Variants in MTG2 observed in about 807,000 individuals in gnomAD.
The protein encoded by MTG2 is mitochondrial ribosome-associated GTPase 2.
MTG2 carries 23 observed loss-of-function variants against 28.6 expected under a neutral mutation model. That is an observed-to-expected ratio of 0.80 (90% CI 0.58 to 1.14). The LOEUF is 1.14. MTG2 is among the 50% of genes most tolerant of loss of function. The pLI is 0.00. For synonymous variants in MTG2, 260 were observed against 251.8 expected (o/e 1.03, Z -0.31); for missense variants, 539 against 552.0 (o/e 0.98, Z 0.24).
At chr20:62,186,731 G>A (rs987641534) in intron 1 of MTG2, among the ~76,000 whole-genome samples, 1 of 151,958 alleles carries the variant, frequency 6.6e-6, no homozygotes, top group Non-Finnish European at 1.5e-5. Context: ...GTTTCACCAT[G>A]TTGGCCACGC....
chr20:62,189,212 G>A (rs1375610147), intron 1 of MTG2, among the ~76,000 whole-genome samples: 1 of 152,004 alleles, frequency 6.6e-6, no homozygotes, highest in East Asian at 1.9e-4. Flanking sequence ...GGCTGAGGCA[G>A]GAGGATCTCT....
In MTG2 at chr20:62,193,489, G is replaced by C; in HGVS notation, c.69G>C (p.Leu23Phe). The change falls in exon 2 of 7, where the codon TTG becomes TTC. Residue 23 changes from leucine to phenylalanine, a missense_variant. Coordinates refer to ENST00000370823, the MANE Select transcript of MTG2 (RefSeq NM_015666.4). ...TTCAGGGCGTGGGGCATTGGGCTTT[G>C]TCCACATGGGCTGGCCTGAAGCCCA... ...TVFQGVGHWALSTWAGLKPSR... is the reference protein window; with the variant it reads ...TVFQGVGHWAFSTWAGLKPSR... 2.5e-6 allele frequency: 4 copies of C among 1,614,216 alleles called. No individual in the cohort carries two copies. The highest frequency in any genetic ancestry group is 3.4e-6 in the Non-Finnish European group (4 of 1,180,048).
intron 1 of MTG2, among the ~76,000 whole-genome samples, chr20:62,186,536 T>TTG (rs1555831125): frequency 5.4e-5 from 8 of 147,990 alleles, no homozygotes; most frequent in South Asian, 2.2e-4. Context: ...TTGTTTTTTT[T>TTG]TTTTTTTTTT....
intron 4 of MTG2, 134 bp from the exon 5 acceptor site, chr20:62,198,500 G>T: frequency 1.1e-6 from 1 of 896,352 alleles, no homozygotes; most frequent in Non-Finnish European, 1.7e-6. Context: ...TGGCAGAGGT[G>T]AGTGGGGCGG....
At chr20:62,187,972 C>A (rs1207341072) in intron 1 of MTG2, among the ~76,000 whole-genome samples, 1 of 151,990 alleles carries the variant, frequency 6.6e-6, no homozygotes. Context: ...CTAGCTGCAT[C>A]TCTTAAATTC....
Position 62,189,954 on chromosome 20 carries a change from C to T in MTG2, c.-5-3462C>T, listed in dbSNP as rs150654280. Among the ~76,000 whole-genome samples, 44 of 152,316 alleles carry T rather than the reference C, an allele frequency of 2.9e-4. No individual in the cohort carries two copies. In the East Asian group the frequency reaches 7.7e-3, roughly 27 times the overall value. On this transcript the variant is annotated intron_variant, in intron 1 of 6. Transcript: ENST00000370823. ...CTGGGATTACAGGCATGAGCCACCG[C>T]GCCCAGCCAACATTAACATTTAATG... is the stretch of plus-strand genomic sequence containing the variant.
At chr20:62,184,012 C>A (rs759572816) in intron 1 of MTG2, among the ~76,000 whole-genome samples, 2 of 152,228 alleles carry the variant, frequency 1.3e-5, no homozygotes, top group African/African-American at 2.4e-5. Context: ...GACTGAACCT[C>A]TGTGAGTCTC....
At chr20:62,185,439 TAAA>T (rs1568780033) in intron 1 of MTG2, among the ~76,000 whole-genome samples, 1 of 107,218 alleles carries the variant, frequency 9.3e-6, no homozygotes, top group African/African-American at 4.2e-5. Flanking sequence ...AAATAAAAAA[TAAA>T]ATATATACAC....
intron 1 of MTG2, among the ~76,000 whole-genome samples, chr20:62,184,847 C>A (rs1392529059): frequency 6.6e-6 from 1 of 152,106 alleles, no homozygotes; most frequent in African/African-American, 2.4e-5. Flanking sequence ...TGGTGGCTCG[C>A]GCCTGTAATC....
chr20:62,192,189 C>A (rs1568784699), intron 1 of MTG2, among the ~76,000 whole-genome samples: 1 of 152,214 alleles, frequency 6.6e-6, no homozygotes, highest in African/African-American at 2.4e-5. Context: ...AGTAGTGGGT[C>A]CCTGGGGTAC....
At chr20:62,184,928 G>A (rs1353132922) in intron 1 of MTG2, among the ~76,000 whole-genome samples, 3 of 152,116 alleles carry the variant, frequency 2.0e-5, no homozygotes, top group Admixed American at 6.5e-5. Flanking sequence ...TGGCCAACAC[G>A]GTGAAACCCC....
Position 62,198,067 on chromosome 20 carries a change from C to A in MTG2, c.468+100C>A, listed in dbSNP as rs2058092804. On this transcript the variant is annotated intron_variant, in intron 4 of 6. Coordinates refer to ENST00000370823, the MANE Select transcript of MTG2 (RefSeq NM_015666.4). Reference sequence around the variant, plus strand: ...CCCACGGGGCCCCTGTGGCTTGATGCCCACAGCTAGGAAACAGCACAATGG... The same window carrying A: ...CCCACGGGGCCCCTGTGGCTTGATGACCACAGCTAGGAAACAGCACAATGG... 8 of 912,520 alleles carry A rather than the reference C, an allele frequency of 8.8e-6. No individual in the cohort carries two copies. The South Asian group carries it at 1.1e-4, about 13-fold the overall frequency. 56.5% of individuals were successfully genotyped at this position (912,520 alleles called of 1,614,324 possible).
chr20:62,183,429 G>A (rs2057764241), intron 1 of MTG2, among the ~76,000 whole-genome samples: 1 of 152,212 alleles, frequency 6.6e-6, no homozygotes, highest in Non-Finnish European at 1.5e-5. Flanking sequence ...TTGATCCAGC[G>A]CTCTAAGTAT....
At chr20:62,193,148 G>A (rs1223918695) in intron 1 of MTG2, among the ~76,000 whole-genome samples, 1 of 152,148 alleles carries the variant, frequency 6.6e-6, no homozygotes, top group Non-Finnish European at 1.5e-5. Context: ...TTCCATAAGA[G>A]GATGTGTCCA....
At chr20:62,186,147 A>G (rs748887246) in intron 1 of MTG2, among the ~76,000 whole-genome samples, 7 of 151,842 alleles carry the variant, frequency 4.6e-5, no homozygotes, top group African/African-American at 7.3e-5. Context: ...TTTTTCCCCA[A>G]CCTGTTTTTA....
chr20:62,184,624 C>G (rs1002962416), intron 1 of MTG2, among the ~76,000 whole-genome samples: 2 of 152,088 alleles, frequency 1.3e-5, no homozygotes, highest in Admixed American at 1.3e-4. Context: ...AGGTCCATGT[C>G]CCGGCCTCCT....
rs2058001900 is a variant in MTG2 at position 62,193,551 on chromosome 20, T to C, written c.131T>C (p.Leu44Pro). The C allele has an allele frequency of 6.2e-7, 1 of 1,613,914 alleles. No individual in the cohort carries two copies. ...LLPQRASPRLLSVGRADLAKH... is the reference protein window; with the variant it reads ...LLPQRASPRLPSVGRADLAKH... ...CCACAGCGGGCTTCTCCCAGGCTGC[T>C]CTCGGTCGGCCGTGCGGACCTCGCC... Residue 44 changes from leucine to proline, a missense_variant, in exon 2 of 7, where the codon CTC becomes CCC. Coordinates refer to ENST00000370823, the MANE Select transcript of MTG2 (RefSeq NM_015666.4).
chr20:62,198,714 GC>G lies in MTG2; in HGVS notation c.550del (p.Leu184TrpfsTer21). On this transcript the variant is annotated frameshift_variant, in exon 5 of 7. Transcript: ENST00000370823. LOFTEE classifies it high-confidence loss of function. The stretch of plus-strand genomic sequence containing the variant: ...GCGTGGGAGATGAGTACATTGCCGC[GC>G]TGGGCGGGGCAGGAGGGAAAGGCAA... ...SCVGDEYIAALGGAGGKGNRF... is the reference protein window; with the variant it reads ...SCVGDEYIAAXGGAGGKGNRF... 1 of 1,614,128 alleles carries G rather than the reference GC, an allele frequency of 6.2e-7. No individual in the cohort carries two copies. Among genetic ancestry groups the G allele is most frequent in the Non-Finnish European group, 8.5e-7 (1 of 1,180,048 alleles).
chr20:62,189,138 C>G (rs527514964), intron 1 of MTG2, among the ~76,000 whole-genome samples: 1 of 152,072 alleles, frequency 6.6e-6, no homozygotes, highest in East Asian at 1.9e-4. Context: ...GAGACCCTGT[C>G]TCTGCAAAAA....
Sources: allele counts gnomAD v4.1 joint callset (sites outside exome capture counted in the v4.1 genomes callset), GRCh38; gene constraint gnomAD v4.1.1; transcripts MANE v1.5; gene names NCBI Gene and HGNC (gene_info 2026-07-23, HGNC 2026-07-21).